Variants in DAAM1 observed in about 807,000 individuals in gnomAD.
The protein encoded by DAAM1 is disheveled-associated activator of morphogenesis 1.
A neutral mutation model predicts 130.0 loss-of-function variants in DAAM1; 52 were observed. That is an observed-to-expected ratio of 0.40 (90% CI 0.32 to 0.50). The LOEUF (loss-of-function observed/expected upper bound fraction) is 0.50. Ranked by LOEUF, DAAM1 falls within the 20% of genes least tolerant of loss-of-function variation. DAAM1 has a pLI of 0.61. For missense variants in DAAM1, 1,134 were observed against 1,303.8 expected, an observed-to-expected ratio of 0.87 and a Z score of 2.01; for synonymous variants, 452 against 444.5, an observed-to-expected ratio of 1.02 and a Z score of -0.21.
chr14:59,225,466 A>AC (rs1188552831), intron 1 of DAAM1, among the ~76,000 whole-genome samples: 1 of 152,266 alleles, frequency 6.6e-6, no homozygotes, highest in Non-Finnish European at 1.5e-5. Flanking sequence ...GTGAGGCAAC[A>AC]CTGAAGCAAG....
At chr14:59,268,109 G>A (rs960091681) in intron 2 of DAAM1, among the ~76,000 whole-genome samples, 3 of 151,876 alleles carry the variant, frequency 2.0e-5, no homozygotes, top group Admixed American at 2.0e-4. Context: ...TGCCATGTTG[G>A]TCAGGCTGGT....
At chr14:59,266,798 C>T (rs944827940) in intron 2 of DAAM1, among the ~76,000 whole-genome samples, 1 of 152,190 alleles carries the variant, frequency 6.6e-6, no homozygotes, top group Non-Finnish European at 1.5e-5. Flanking sequence ...CGGAGGGAGG[C>T]CACATGTGGT....
At chr14:59,268,123 G>A (rs184872490) in intron 2 of DAAM1, among the ~76,000 whole-genome samples, 238 of 151,922 alleles carry the variant, frequency 1.6e-3, no homozygotes, top group African/African-American at 4.9e-3. Flanking sequence ...GGCTGGTCTC[G>A]AACTCCTGAC....
chr14:59,206,558 A>C (rs1028337026), intron 1 of DAAM1, among the ~76,000 whole-genome samples: 1 of 152,256 alleles, frequency 6.6e-6, no homozygotes, highest in Non-Finnish European at 1.5e-5. Flanking sequence ...TACTGGCGTA[A>C]GCCACTGAGC....
intron 1 of DAAM1, among the ~76,000 whole-genome samples, chr14:59,239,223 C>T (rs960393106): frequency 2.6e-5 from 4 of 152,058 alleles, no homozygotes; most frequent in African/African-American, 9.7e-5. Context: ...AGGGTAATGC[C>T]CTATGGTGCT....
At chr14:59,364,887 A>G (rs1441059780) in intron 23 of DAAM1, among the ~76,000 whole-genome samples, 2 of 150,082 alleles carry the variant, frequency 1.3e-5, no homozygotes, top group Middle Eastern at 3.2e-3. Flanking sequence ...CAGTCAACTC[A>G]TGTCAGCAAC....
At position 59,315,352 on chromosome 14, in the gene DAAM1, G is replaced by A. The variant is rs769366549; in HGVS notation, c.345+1G>A. On this transcript the variant is annotated splice_donor_variant, in intron 4 of 24. Transcript: ENST00000360909. LOFTEE classifies it high-confidence loss of function. The stretch of plus-strand genomic sequence containing the variant: ...TGATCAGCTCAATTCCATGGCTGCT[G>A]TAAGTAGACTTTTATGTTCTTTGAC... The A allele has an allele frequency of 6.2e-7, 1 of 1,613,376 alleles. No homozygotes were observed. Among genetic ancestry groups the A allele is most frequent in the Non-Finnish European group, 8.5e-7 (1 of 1,179,624 alleles).
intron 23 of DAAM1, among the ~76,000 whole-genome samples, chr14:59,365,239 T>C (rs532681559): frequency 3.8e-4 from 58 of 152,308 alleles, no homozygotes; most frequent in African/African-American, 1.3e-3. Context: ...TTCTAAGATT[T>C]TGATATACAT....
rs1439376371 is a variant in DAAM1 at position 59,282,197 on chromosome 14, C to T, written c.184-9020C>T. Among the ~76,000 whole-genome samples the T allele has an allele frequency of 3.3e-5, 5 of 152,040 alleles. No individual in the cohort carries two copies. The East Asian group carries it at 5.8e-4, about 18-fold the overall frequency. ...CATGTTCCCTCATAATGGAATTTTCCGTAAAAAACCCTCATTGCTTCCCTG... is the reference window on the plus strand; with the variant it reads ...CATGTTCCCTCATAATGGAATTTTCTGTAAAAAACCCTCATTGCTTCCCTG... On this transcript the variant is annotated intron_variant, in intron 2 of 24. Transcript: ENST00000360909.
At chr14:59,325,617 G>A (rs1885176460) in intron 8 of DAAM1, 47 bp from the exon 9 acceptor site, 2 of 1,533,016 alleles carry the variant, frequency 1.3e-6, no homozygotes, top group South Asian at 1.1e-5. Context: ...ATGCACCTGT[G>A]TTTATAGGAT....
chr14:59,225,041 T>TG (rs1888897877), intron 1 of DAAM1, among the ~76,000 whole-genome samples: 2 of 145,174 alleles, frequency 1.4e-5, no homozygotes, highest in African/African-American at 5.2e-5. Flanking sequence ...TTTTTTTTTT[T>TG]TTTTTGAGAC....
At chr14:59,305,297 G>A (rs1001248685) in intron 3 of DAAM1, among the ~76,000 whole-genome samples, 2 of 152,226 alleles carry the variant, frequency 1.3e-5, no homozygotes, top group South Asian at 2.1e-4. Flanking sequence ...GTGCCTGCCT[G>A]CAGGGGAATG....
At chr14:59,236,348 G>T (rs892551505) in intron 1 of DAAM1, among the ~76,000 whole-genome samples, 5 of 152,020 alleles carry the variant, frequency 3.3e-5, no homozygotes, top group South Asian at 2.1e-4. Flanking sequence ...CATCACACAT[G>T]GTCTGGCTCT....
chr14:59,190,007 G>T (rs906868390), intron 1 of DAAM1, among the ~76,000 whole-genome samples: 5 of 152,160 alleles, frequency 3.3e-5, no homozygotes, highest in African/African-American at 1.2e-4. Context: ...TCGAAGCGGA[G>T]TTGCCTGCAA....
At chr14:59,321,891 C>T (rs539781236) in intron 5 of DAAM1, among the ~76,000 whole-genome samples, 3 of 152,270 alleles carry the variant, frequency 2.0e-5, no homozygotes, top group Admixed American at 6.5e-5. Flanking sequence ...ATCACATAAA[C>T]AGGTTATGTT....
intron 19 of DAAM1, 50 bp downstream of exon 19, chr14:59,354,014 T>C (rs762119940): frequency 1.3e-6 from 2 of 1,567,100 alleles, no homozygotes; most frequent in African/African-American, 2.7e-5. Flanking sequence ...TTACAACCCA[T>C]TTAAAAGTGC....
intron 1 of DAAM1, among the ~76,000 whole-genome samples, chr14:59,247,871 T>C (rs1027512211): frequency 6.6e-6 from 1 of 152,230 alleles, no homozygotes; most frequent in Non-Finnish European, 1.5e-5. Context: ...ATTTATCATA[T>C]ACCATGTTGT....
intron 12 of DAAM1, among the ~76,000 whole-genome samples, chr14:59,329,183 G>C (rs1419486462): frequency 2.6e-5 from 4 of 152,204 alleles, no homozygotes; most frequent in Admixed American, 6.5e-5. Flanking sequence ...TCTTGGAATA[G>C]TGTCTGGGGA....
At chr14:59,320,865 T>G (rs1238643466) in intron 5 of DAAM1, among the ~76,000 whole-genome samples, 1 of 152,138 alleles carries the variant, frequency 6.6e-6, no homozygotes, top group Non-Finnish European at 1.5e-5. Flanking sequence ...CTGCTAGGAA[T>G]GTAAAATTGT....
Sources: allele counts gnomAD v4.1 joint callset (sites outside exome capture counted in the v4.1 genomes callset), GRCh38; gene constraint gnomAD v4.1.1; transcripts MANE v1.5; gene names NCBI Gene and HGNC (gene_info 2026-07-23, HGNC 2026-07-21).